The following SYNPO2 variants were observed in gnomAD, a reference collection of about 807,000 sequenced individuals.
The protein encoded by SYNPO2 is synaptopodin 2, also known as synaptopodin-2.
SYNPO2 carries 56 observed loss-of-function variants against 85.0 expected under a neutral mutation model. That is an observed-to-expected ratio of 0.66 (90% CI 0.53 to 0.82). The LOEUF is 0.82. SYNPO2 is among the 40% of genes least tolerant of loss of function. The pLI is 0.00. For missense variants in SYNPO2, 1,575 were observed against 1,534.2 expected (o/e 1.03, Z -0.44); for synonymous variants, 602 against 591.1 (o/e 1.02, Z -0.27).
intron 1 of SYNPO2, among the ~76,000 whole-genome samples, chr4:118,976,871 T>C (rs1271165259): frequency 1.3e-5 from 2 of 152,302 alleles, no homozygotes; most frequent in East Asian, 3.9e-4. Flanking sequence ...TGTCGATTGG[T>C]GCACTCACAA....
chr4:118,855,293 T>C (rs1158802640), intron 1 of SYNPO2, among the ~76,000 whole-genome samples: 1 of 152,148 alleles, frequency 6.6e-6, no homozygotes, highest in Non-Finnish European at 1.5e-5. Context: ...GAATGAAATT[T>C]AAGAGAATCT....
chr4:119,053,772 G>A (rs1451892743), intron 4 of SYNPO2, among the ~76,000 whole-genome samples: 1 of 151,996 alleles, frequency 6.6e-6, no homozygotes, highest in Non-Finnish European at 1.5e-5. Context: ...TCTCTTTCAT[G>A]TAATGTTTTG....
At chr4:118,923,462 G>A (rs948437745) in intron 1 of SYNPO2, among the ~76,000 whole-genome samples, 11 of 152,032 alleles carry the variant, frequency 7.2e-5, no homozygotes, top group African/African-American at 2.4e-4. Flanking sequence ...TTACCTGGGC[G>A]ATGATATAAT....
intron 1 of SYNPO2, among the ~76,000 whole-genome samples, chr4:118,874,579 A>G (rs192983339): frequency 2.0e-5 from 3 of 152,286 alleles, no homozygotes; most frequent in East Asian, 1.9e-4. Flanking sequence ...TTATAGCTGG[A>G]TAAGTTTTGC....
chr4:118,919,270 T>G (rs553696941), intron 1 of SYNPO2, among the ~76,000 whole-genome samples: 2,626 of 152,112 alleles, frequency 0.017, 72 homozygotes, highest in African/African-American at 0.06. Context: ...CCTCCCTGTC[T>G]CTCAAGCTTG....
Position 119,026,899 on chromosome 4 carries a change from G to C in SYNPO2, c.530G>C (p.Arg177Pro). Residue 177 changes from arginine to proline, a missense_variant, in exon 3 of 5, where the codon CGC becomes CCC. Transcript: ENST00000307142. ...APQMPDSQRGRVAEELILREK... is the reference protein window; with the variant it reads ...APQMPDSQRGPVAEELILREK... ...CAAATGCCTGACTCCCAAAGAGGAC[G>C]CGTGGCAGAAGAGCTGATCTTAAGG... The C allele has an allele frequency of 6.2e-7, 1 of 1,614,142 alleles. No individual in the cohort carries two copies. The highest frequency in any genetic ancestry group is 8.5e-7 in the Non-Finnish European group (1 of 1,180,034).
chr4:119,020,745 A>G (rs1293382162), intron 1 of SYNPO2, among the ~76,000 whole-genome samples: 3 of 152,102 alleles, frequency 2.0e-5, no homozygotes, highest in African/African-American at 7.2e-5. Flanking sequence ...AATTTTTTTT[A>G]TAAATAAATT....
chr4:118,938,653 G>A lies in SYNPO2; in HGVS notation c.105+49512G>A, dbSNP rs556490003. Among the ~76,000 whole-genome samples, 4 of 152,270 alleles carry A rather than the reference G, an allele frequency of 2.6e-5. No homozygotes were observed. The South Asian group carries it at 8.3e-4, about 32-fold the overall frequency. ...TTTTCCCTCAGTACTTTTTAAAACT[G>A]TCAGATATTTCAGGCTAGCCATCCT... On this transcript the variant is annotated intron_variant, in intron 1 of 4. Coordinates refer to ENST00000307142, the MANE Select transcript of SYNPO2 (RefSeq NM_133477.3).
At chr4:118,874,540 C>T (rs1178011508) in intron 1 of SYNPO2, among the ~76,000 whole-genome samples, 1 of 152,152 alleles carries the variant, frequency 6.6e-6, no homozygotes, top group African/African-American at 2.4e-5. Context: ...ATATCTGAAA[C>T]TAGCCCTGTG....
chr4:118,990,239 G>T (rs906614929), intron 1 of SYNPO2, among the ~76,000 whole-genome samples: 1 of 152,088 alleles, frequency 6.6e-6, no homozygotes, highest in Non-Finnish European at 1.5e-5. Flanking sequence ...CAGCTCACAT[G>T]GTGCACAGGA....
intron 1 of SYNPO2, among the ~76,000 whole-genome samples, chr4:119,003,016 C>G (rs923820118): frequency 3.3e-5 from 5 of 152,082 alleles, no homozygotes; most frequent in African/African-American, 1.2e-4. Context: ...AGCTGTTGAA[C>G]CATTTGTATG....
chr4:118,905,480 G>GAA (rs1463933242), intron 1 of SYNPO2, among the ~76,000 whole-genome samples: 3 of 151,980 alleles, frequency 2.0e-5, no homozygotes, highest in African/African-American at 7.3e-5. Context: ...GAGAGAGAGA[G>GAA]AACACAGGAA....
intron 1 of SYNPO2, among the ~76,000 whole-genome samples, chr4:118,955,827 A>G (rs905089138): frequency 3.3e-5 from 5 of 152,330 alleles, no homozygotes; most frequent in Middle Eastern, 6.8e-3. Context: ...AAATGAAAAA[A>G]AAATGTTTGA....
At chr4:119,023,147 C>A in intron 1 of SYNPO2, among the ~76,000 whole-genome samples, 1 of 152,136 alleles carries the variant, frequency 6.6e-6, no homozygotes, top group East Asian at 1.9e-4. Context: ...TTTTTTATTT[C>A]TTTAATTCTG....
intron 1 of SYNPO2, among the ~76,000 whole-genome samples, chr4:118,965,832 C>T (rs1359872654): frequency 6.6e-6 from 1 of 152,050 alleles, no homozygotes; most frequent in Non-Finnish European, 1.5e-5. Context: ...TCTGTAATCT[C>T]AGCACTTTGG....
chr4:118,954,554 A>G (rs1304255792), intron 1 of SYNPO2, among the ~76,000 whole-genome samples: 2 of 152,226 alleles, frequency 1.3e-5, no homozygotes, highest in Non-Finnish European at 2.9e-5. Flanking sequence ...CTGAAGCCAC[A>G]CTAGGCATAA....
In SYNPO2 at chr4:118,933,969, A is replaced by G. The variant is rs113041145; in HGVS notation, c.105+44828A>G. Among the ~76,000 whole-genome samples, 14 of 151,734 alleles carry G rather than the reference A, an allele frequency of 9.2e-5. 1 individual carries two copies. Among genetic ancestry groups the G allele is most frequent in the African/African-American group, 2.9e-4 (12 of 41,430 alleles). On this transcript the variant is annotated intron_variant, in intron 1 of 4. Transcript: ENST00000307142. ...TTTTTCAGTTGCAATGCTAGTTAAC[A>G]TGGTTTATTCTGAAAGAGATACTGA... is the stretch of plus-strand genomic sequence containing the variant.
chr4:119,037,362 G>T, intron 4 of SYNPO2: 2 of 1,237,922 alleles, frequency 1.6e-6, no homozygotes, highest in Non-Finnish European at 2.0e-6. Flanking sequence ...AAAATCAAAA[G>T]TTTGTACTTG....
intron 1 of SYNPO2, among the ~76,000 whole-genome samples, chr4:118,969,407 T>TA (rs1247688383): frequency 5.8e-5 from 3 of 51,640 alleles, no homozygotes; most frequent in Non-Finnish European, 1.5e-4. Flanking sequence ...AATGTATTTG[T>TA]AAAAAAGTAC....
Sources: allele counts gnomAD v4.1 joint callset (sites outside exome capture counted in the v4.1 genomes callset), GRCh38; gene constraint gnomAD v4.1.1; transcripts MANE v1.5; gene names NCBI Gene and HGNC (gene_info 2026-07-23, HGNC 2026-07-21).